The following GREM2 variants were observed in gnomAD, a reference collection of about 807,000 sequenced individuals.
GREM2 encodes the protein gremlin 2, DAN family BMP antagonist, also known as gremlin-2.
A neutral mutation model predicts 14.2 loss-of-function variants in GREM2; 11 were observed. The ratio of observed to expected loss-of-function variants is 0.78; its 90% CI spans 0.49 to 1.28. The LOEUF (loss-of-function observed/expected upper bound fraction) is 1.28. Among genes scored for constraint, GREM2 ranks in the 50% most tolerant of loss-of-function variants. The pLI is 0.00. For missense variants in GREM2, 210 were observed against 218.5 expected (o/e 0.96, Z 0.24); for synonymous variants, 98 against 97.6 (o/e 1.00, Z -0.02).
chr1:240,537,007 C>T (rs1678487447), intron 1 of GREM2, among the ~76,000 whole-genome samples: 1 of 152,100 alleles, frequency 6.6e-6, no homozygotes, highest in South Asian at 2.1e-4. Context: ...CTGGAATGAC[C>T]AATTAATTCC....
chr1:240,492,862 G>T lies in GREM2; in HGVS notation c.*107C>A. On this transcript the variant is annotated 3_prime_UTR_variant, in exon 2 of 2. Transcript: ENST00000318160. ...AAGAGAAGTGCTTGCTGCTGAGGGGGAACACCAGGCAGCGTGACAGTGGGC... is the reference window on the plus strand; with the variant it reads ...AAGAGAAGTGCTTGCTGCTGAGGGGTAACACCAGGCAGCGTGACAGTGGGC... The T allele has an allele frequency of 1.8e-6, 2 of 1,120,774 alleles. No homozygotes were observed. Among genetic ancestry groups the T allele is most frequent in the Non-Finnish European group, 2.3e-6 (2 of 868,310 alleles). The allele number at this position is 1,120,774 out of a possible 1,614,324, so 69.4% of individuals were successfully genotyped here. A position where few individuals can be genotyped will look rare whatever the true frequency, so the allele number is the denominator to read the frequency against.
At chr1:240,498,285 GA>G (rs941810297) in intron 1 of GREM2, among the ~76,000 whole-genome samples, 18 of 152,218 alleles carry the variant, frequency 1.2e-4, no homozygotes, top group African/African-American at 4.3e-4. Context: ...CAGGAAGGGG[GA>G]AAAGTGGTTG....
chr1:240,533,866 G>A (rs1328531556), intron 1 of GREM2, among the ~76,000 whole-genome samples: 1 of 152,214 alleles, frequency 6.6e-6, no homozygotes, highest in Non-Finnish European at 1.5e-5. Flanking sequence ...ATTGTGACGA[G>A]AGCCTCAATT....
At chr1:240,494,317 A>G (rs907716446) in intron 1 of GREM2, among the ~76,000 whole-genome samples, 5 of 152,324 alleles carry the variant, frequency 3.3e-5, no homozygotes, top group African/African-American at 9.6e-5. Flanking sequence ...AGGTCACACA[A>G]CCACTAAACA....
At position 240,543,875 on chromosome 1, in the gene GREM2, T is replaced by G. The variant is rs1355541545; in HGVS notation, c.-1-50399A>C. On this transcript the variant is annotated intron_variant, in intron 1 of 1. Transcript: ENST00000318160. The surrounding 1 kb of genome is among the most constrained non-coding windows in gnomAD (Gnocchi z 6.4). ...AGACTATTATAATTTTAAAAGTATATTATTTGTTTTTCAATGGGAACAAGC... is the reference window on the plus strand; with the variant it reads ...AGACTATTATAATTTTAAAAGTATAGTATTTGTTTTTCAATGGGAACAAGC... Among the ~76,000 whole-genome samples the G allele has an allele frequency of 6.6e-6, 1 of 152,136 alleles. No homozygotes were observed. Among genetic ancestry groups the G allele is most frequent in the Non-Finnish European group, 1.5e-5 (1 of 68,024 alleles).
intron 1 of GREM2, among the ~76,000 whole-genome samples, chr1:240,607,321 G>A (rs1338503394): frequency 1.3e-5 from 2 of 151,490 alleles, no homozygotes; most frequent in Non-Finnish European, 2.9e-5. Context: ...GAGTTTCTTA[G>A]GTTAAATTTT....
At chr1:240,514,017 G>A (rs568799699) in intron 1 of GREM2, among the ~76,000 whole-genome samples, 6 of 151,908 alleles carry the variant, frequency 3.9e-5, no homozygotes, top group South Asian at 2.1e-4. Context: ...CGGCTGAGGC[G>A]GGTGGATCAC....
chr1:240,554,423 A>G (rs1405860892), intron 1 of GREM2, among the ~76,000 whole-genome samples: 1 of 152,004 alleles, frequency 6.6e-6, no homozygotes, highest in African/African-American at 2.4e-5. Flanking sequence ...AAAAAAAAAA[A>G]AAAAGATGAG....
At chr1:240,571,288 A>T (rs151260181) in intron 1 of GREM2, among the ~76,000 whole-genome samples, 229 of 152,344 alleles carry the variant, frequency 1.5e-3, no homozygotes, top group African/African-American at 5.2e-3. Context: ...AGACTGAATG[A>T]CCTTGAACAG....
intron 1 of GREM2, among the ~76,000 whole-genome samples, chr1:240,508,501 C>T (rs1432203982): frequency 1.3e-5 from 2 of 152,096 alleles, no homozygotes; most frequent in African/African-American, 4.8e-5. Context: ...TAGATCTTTC[C>T]TAGGATCAGC....
At position 240,563,969 on chromosome 1, in the gene GREM2, G is replaced by A. The variant is rs549681926; in HGVS notation, c.-2+47915C>T. ...TCACACCTGTGATCTCAACACTTTG[G>A]GAGACCAAAGTGGAAGGATCACTTG... On this transcript the variant is annotated intron_variant, in intron 1 of 1. Transcript: ENST00000318160. 6.8e-4 allele frequency among the ~76,000 whole-genome samples: 104 copies of A among 152,222 alleles called. 2 individuals are homozygous for A. In the South Asian group the frequency reaches 0.02, roughly 30 times the overall value.
rs556609130 is a variant in GREM2, at chr1:240,542,216, T to G, written c.-1-48740A>C. 4.6e-5 allele frequency among the ~76,000 whole-genome samples: 7 copies of G among 152,220 alleles called. No homozygotes were observed. The highest frequency in any genetic ancestry group is 3.9e-4 in the Admixed American group (6 of 15,288). The stretch of plus-strand genomic sequence containing the variant: ...GCATCAATATTGAGAAACCATAGAT[T>G]AGATGTGCTACCTGATCACATCTCT... On this transcript the variant is annotated intron_variant, in intron 1 of 1. Transcript: ENST00000318160. This position sits in a 1 kb window ranked among gnomAD's most constrained non-coding sequence, Gnocchi z 4.1.
rs551924187 is a variant in GREM2, at chr1:240,531,677, A to G, written c.-1-38201T>C. On this transcript the variant is annotated intron_variant, in intron 1 of 1. Coordinates refer to ENST00000318160, the MANE Select transcript of GREM2 (RefSeq NM_022469.4). Reference sequence around the variant, plus strand: ...GCTCCCTGACGTGGACTCAGCTCTGAGTGCTCTCATTTTTCTTTTCTTTTC... The same window carrying G: ...GCTCCCTGACGTGGACTCAGCTCTGGGTGCTCTCATTTTTCTTTTCTTTTC... The G allele has an allele frequency of 1.5e-4, 145 of 983,960 alleles. No homozygotes were observed. The African/African-American group carries it at 2.4e-3, about 16-fold the overall frequency. 61.0% of individuals were successfully genotyped at this position (983,960 alleles called of 1,614,324 possible).
intron 1 of GREM2, among the ~76,000 whole-genome samples, chr1:240,544,742 A>T (rs1678679797): frequency 6.6e-6 from 1 of 152,138 alleles, no homozygotes; most frequent in Non-Finnish European, 1.5e-5. Context: ...TGTTTTTAGT[A>T]TCTTGACTGC....
intron 1 of GREM2, chr1:240,588,675 C>T (rs1377179644): frequency 1.3e-5 from 2 of 152,322 alleles, no homozygotes; most frequent in East Asian, 1.9e-4. Context: ...GTTGACCAGA[C>T]AACTGTACCT....
intron 1 of GREM2, among the ~76,000 whole-genome samples, chr1:240,527,591 G>A (rs1558150017): frequency 6.6e-6 from 1 of 152,180 alleles, no homozygotes; most frequent in African/African-American, 2.4e-5. Flanking sequence ...AGAGGGACAA[G>A]GGAGGTACGT....
chr1:240,582,197 G>A (rs1046633435), intron 1 of GREM2, among the ~76,000 whole-genome samples: 1 of 152,220 alleles, frequency 6.6e-6, no homozygotes, highest in African/African-American at 2.4e-5. Context: ...CAGCACTTTG[G>A]GAGGCCAAGG....
rs139902810 is a variant in GREM2 at position 240,596,643 on chromosome 1, G to T, written c.-2+15241C>A. 4.8e-3 allele frequency among the ~76,000 whole-genome samples: 725 copies of T among 152,004 alleles called. 7 individuals are homozygous for T. Among genetic ancestry groups the T allele is most frequent in the African/African-American group, 0.017 (693 of 41,472 alleles). ...ACCCAGGAGGCAGAGGTTGCGGTGAGCTGAGATTGTGCCATTGCACTCCAG... is the reference window on the plus strand; with the variant it reads ...ACCCAGGAGGCAGAGGTTGCGGTGATCTGAGATTGTGCCATTGCACTCCAG... On this transcript the variant is annotated intron_variant, in intron 1 of 1. Transcript: ENST00000318160.
chr1:240,581,484 G>A (rs10926304), intron 1 of GREM2, among the ~76,000 whole-genome samples: 39,947 of 151,892 alleles, frequency 0.26, 5,871 homozygotes, highest in African/African-American at 0.39. Context: ...AACATTTTAA[G>A]TTAAAATAAC....
Sources: allele counts gnomAD v4.1 joint callset (sites outside exome capture counted in the v4.1 genomes callset), GRCh38; gene constraint gnomAD v4.1.1; non-coding constraint Gnocchi (gnomAD v3.1); transcripts MANE v1.5; gene names NCBI Gene and HGNC (gene_info 2026-07-23, HGNC 2026-07-21).